PCDH15: variants seen among roughly 807,000 people sequenced by gnomAD.
PCDH15 encodes the protein protocadherin-15.
A neutral mutation model predicts 178.5 loss-of-function variants in PCDH15; 129 were observed. That is an observed-to-expected ratio of 0.72 (90% confidence interval 0.63 to 0.84). The LOEUF is 0.84. PCDH15 is among the 40% of genes least tolerant of loss of function. The pLI is 0.00. For missense variants in PCDH15, 2,230 were observed against 2,099.9 expected (o/e 1.06, Z -1.21); for synonymous variants, 800 against 732.0 (o/e 1.09, Z -1.50).
At chr10:55,205,906 C>A (rs1591988806) in intron 1 of PCDH15, among the ~76,000 whole-genome samples, 1 of 151,988 alleles carries the variant, frequency 6.6e-6, no homozygotes, top group African/African-American at 2.4e-5. Context: ...TCATATCTTA[C>A]GTTGATGGCA....
At chr10:55,220,431 T>G (rs1260692771) in intron 1 of PCDH15, among the ~76,000 whole-genome samples, 3 of 152,080 alleles carry the variant, frequency 2.0e-5, no homozygotes, top group African/African-American at 7.3e-5. Context: ...TACAGTCATG[T>G]GTCAGTTAAT....
chr10:54,088,922 G>A (rs950481094), intron 16 of PCDH15, among the ~76,000 whole-genome samples: 4 of 144,114 alleles, frequency 2.8e-5, no homozygotes, highest in African/African-American at 1.0e-4. Flanking sequence ...ACACAGCCTT[G>A]CTTAAAGTTT....
intron 10 of PCDH15, among the ~76,000 whole-genome samples, chr10:54,205,889 A>T (rs2050744915): frequency 6.6e-6 from 1 of 152,146 alleles, no homozygotes; most frequent in Admixed American, 6.6e-5. Flanking sequence ...TGTATGCTGT[A>T]AAGTTTGTTT....
intron 15 of PCDH15, among the ~76,000 whole-genome samples, chr10:54,110,191 A>G (rs2094991664): frequency 6.6e-6 from 1 of 151,912 alleles, no homozygotes; most frequent in Non-Finnish European, 1.5e-5. Flanking sequence ...TGGAGTGAGG[A>G]GACCATTTGT....
At chr10:53,941,241 A>G (rs943587434) in intron 23 of PCDH15, among the ~76,000 whole-genome samples, 1 of 152,086 alleles carries the variant, frequency 6.6e-6, no homozygotes, top group Non-Finnish European at 1.5e-5. Flanking sequence ...GTTTGGACAA[A>G]TGTGTAATGG....
intron 1 of PCDH15, among the ~76,000 whole-genome samples, chr10:54,700,448 A>G (rs1316835924): frequency 6.6e-6 from 1 of 152,066 alleles, no homozygotes; most frequent in Non-Finnish European, 1.5e-5. Flanking sequence ...TCAAAACCCA[A>G]TCCAAGGAGT....
At chr10:53,960,771 C>T (rs1328036639) in intron 22 of PCDH15, among the ~76,000 whole-genome samples, 2 of 152,138 alleles carry the variant, frequency 1.3e-5, no homozygotes, top group Admixed American at 6.5e-5. Flanking sequence ...TTCCAAACAG[C>T]GGTAAAATCA....
chr10:55,302,712 C>T (rs1843316616), intron 1 of PCDH15, among the ~76,000 whole-genome samples: 1 of 152,076 alleles, frequency 6.6e-6, no homozygotes, highest in Non-Finnish European at 1.5e-5. Context: ...AGCATTTGAC[C>T]AAATAGCTGG....
At chr10:55,120,338 C>T (rs1374562524) in intron 2 of PCDH15, among the ~76,000 whole-genome samples, 2 of 152,064 alleles carry the variant, frequency 1.3e-5, no homozygotes, top group African/African-American at 4.8e-5. Context: ...GTAAATAAAC[C>T]TATTGCATTA....
Position 54,214,010 on chromosome 10 carries a change from G to A in PCDH15, c.1024C>T (p.Pro342Ser), listed in dbSNP as rs757431276. The A allele has an allele frequency of 3.1e-6, 5 of 1,611,218 alleles. No individual in the cohort carries two copies. Among genetic ancestry groups the A allele is most frequent in the Non-Finnish European group, 4.2e-6 (5 of 1,177,656 alleles). Reference protein sequence around the residue: ...EDYPRFFHMHPRTAELSLLEP... With the variant: ...EDYPRFFHMHSRTAELSLLEP... ...AGGAGACTAAGTTCTGCTGTCCTAGGATGCATATGGAAAAATCGTGGGTAA... is the reference window on the plus strand; with the variant it reads ...AGGAGACTAAGTTCTGCTGTCCTAGAATGCATATGGAAAAATCGTGGGTAA... The change falls in exon 10 of 38, where the codon CCT becomes TCT. Residue 342 changes from proline to serine, a missense_variant. Transcript: ENST00000644397.
intron 8 of PCDH15, among the ~76,000 whole-genome samples, chr10:54,281,012 T>TAC (rs1591564701): frequency 6.6e-6 from 1 of 151,912 alleles, no homozygotes; most frequent in East Asian, 1.9e-4. Context: ...TATGTATATA[T>TAC]ACACAGAAAT....
intron 2 of PCDH15, among the ~76,000 whole-genome samples, chr10:55,456,198 CA>C (rs936558404): frequency 6.6e-5 from 10 of 150,706 alleles, no homozygotes; most frequent in South Asian, 2.1e-4. Flanking sequence ...TTTTGGCAAA[CA>C]AAAAAAAATC....
intron 2 of PCDH15, among the ~76,000 whole-genome samples, chr10:55,497,016 T>C (rs1443686725): frequency 6.6e-6 from 1 of 151,886 alleles, no homozygotes; most frequent in Non-Finnish European, 1.5e-5. Flanking sequence ...TTGGGGACAA[T>C]TTTTAATGGG....
intron 1 of PCDH15, among the ~76,000 whole-genome samples, chr10:54,706,706 G>A (rs765250414): frequency 2.0e-5 from 3 of 151,978 alleles, no homozygotes; most frequent in Admixed American, 2.0e-4. Flanking sequence ...TCATTGCAAC[G>A]TCCGCCTCCC....
chr10:54,275,117 AAG>A (rs2058277919), intron 8 of PCDH15, among the ~76,000 whole-genome samples: 1 of 152,032 alleles, frequency 6.6e-6, no homozygotes, highest in Non-Finnish European at 1.5e-5. Flanking sequence ...TACAGTCAAA[AAG>A]AGACATCAGC....
At chr10:54,640,927 A>T (rs2134955044) in intron 2 of PCDH15, 1 of 158,816 alleles carries the variant, frequency 6.3e-6, no homozygotes, top group South Asian at 1.5e-4. Flanking sequence ...GACATGGTGA[A>T]ATCTCATCTC....
intron 3 of PCDH15, among the ~76,000 whole-genome samples, chr10:54,460,656 A>C (rs1461990790): frequency 6.6e-6 from 1 of 152,122 alleles, no homozygotes; most frequent in African/African-American, 2.4e-5. Context: ...CATTTAATAT[A>C]GGGAGTGAGG....
In PCDH15 at chr10:54,697,326, C is replaced by G. The variant is rs1436650088; in HGVS notation, c.-28-33036G>C. 2.0e-5 allele frequency among the ~76,000 whole-genome samples: 3 copies of G among 151,614 alleles called. No homozygotes were observed. In the East Asian group the frequency reaches 5.8e-4, roughly 29 times the overall value. Reference sequence around the variant, plus strand: ...ATTTCTGTTGTGAAATTATTTAGTTCACATATCATGATCTTTTAAACTTAT... The same window carrying G: ...ATTTCTGTTGTGAAATTATTTAGTTGACATATCATGATCTTTTAAACTTAT... On this transcript the variant is annotated intron_variant, in intron 1 of 37. Coordinates refer to ENST00000644397, the MANE Select transcript of PCDH15 (RefSeq NM_001384140.1).
At chr10:54,612,901 A>AT (rs1419622672) in intron 2 of PCDH15, among the ~76,000 whole-genome samples, 3 of 151,782 alleles carry the variant, frequency 2.0e-5, no homozygotes, top group Admixed American at 6.6e-5. Context: ...TTTAAAATAA[A>AT]TTTTAAGGCA....
Sources: gnomAD v4.1 joint callset for allele counts (sites outside exome capture counted in the v4.1 genomes callset) on GRCh38, gnomAD v4.1.1 for gene constraint, MANE v1.5 for transcripts, NCBI Gene and HGNC (gene_info 2026-07-23, HGNC 2026-07-21) for gene names.